Variants in DOCK9 observed in about 807,000 individuals in gnomAD.
The protein encoded by DOCK9 is dedicator of cytokinesis protein 9.
Under a neutral mutation model 263.3 loss-of-function variants are expected in DOCK9, and 89 were observed. The ratio of observed to expected loss-of-function variants is 0.34; its 90% CI spans 0.28 to 0.40. The LOEUF is 0.40. Ranked by LOEUF, DOCK9 falls within the 10% of genes least tolerant of loss-of-function variation. The probability of loss-of-function intolerance (pLI) is 1.00; values close to 1 mark genes in which losing one functional copy is unlikely to be tolerated. For missense variants in DOCK9, 2,140 were observed against 2,603.4 expected, an observed-to-expected ratio of 0.82 and a Z score of 3.87; for synonymous variants, 976 against 973.1, an observed-to-expected ratio of 1.00 and a Z score of -0.06.
chr13:98,990,529 A>G (rs899493102), intron 1 of DOCK9, among the ~76,000 whole-genome samples: 8 of 152,248 alleles, frequency 5.3e-5, no homozygotes, highest in African/African-American at 1.9e-4. Flanking sequence ...TACAGCTTAT[A>G]GCTCTTCATT....
At chr13:98,842,932 T>C (rs1421569951) in intron 38 of DOCK9, among the ~76,000 whole-genome samples, 2 of 152,230 alleles carry the variant, frequency 1.3e-5, no homozygotes, top group African/African-American at 4.8e-5. Flanking sequence ...TTCTACTTCC[T>C]ATCAAAATTA....
intron 15 of DOCK9, among the ~76,000 whole-genome samples, chr13:98,891,863 C>T (rs1283640912): frequency 1.3e-5 from 2 of 151,532 alleles, no homozygotes; most frequent in Admixed American, 6.6e-5. Flanking sequence ...AATCTCAAAC[C>T]CATTTCAAAA....
At chr13:99,081,966 C>A (rs1407681290) in intron 1 of DOCK9, among the ~76,000 whole-genome samples, 1 of 152,260 alleles carries the variant, frequency 6.6e-6, no homozygotes. Context: ...GCTGGGTATG[C>A]TGGCTCGCAC....
At chr13:98,962,961 GAA>G (rs66518048) in intron 1 of DOCK9, among the ~76,000 whole-genome samples, 23,158 of 152,134 alleles carry the variant, frequency 0.15, 2,466 homozygotes, top group East Asian at 0.44. Context: ...GGATTGTGAA[GAA>G]GAGAGCAGGC....
chr13:98,882,381 A>G (rs1053525327), intron 23 of DOCK9, among the ~76,000 whole-genome samples: 3 of 152,210 alleles, frequency 2.0e-5, no homozygotes, highest in African/African-American at 7.2e-5. Context: ...AGGGGCCGCA[A>G]GCAATCACAT....
At chr13:99,064,668 T>C (rs1306679054) in intron 1 of DOCK9, among the ~76,000 whole-genome samples, 1 of 152,244 alleles carries the variant, frequency 6.6e-6, no homozygotes, top group African/African-American at 2.4e-5. Context: ...CTTTCATTTT[T>C]CCCTTCAAAG....
intron 1 of DOCK9, among the ~76,000 whole-genome samples, chr13:99,040,343 G>A (rs1888335658): frequency 6.6e-6 from 1 of 151,970 alleles, no homozygotes; most frequent in Non-Finnish European, 1.5e-5. Flanking sequence ...CCCAAACTAA[G>A]GCAAGTCCTT....
chr13:98,811,004 G>A (rs978118221), intron 45 of DOCK9, among the ~76,000 whole-genome samples: 1 of 152,220 alleles, frequency 6.6e-6, no homozygotes, highest in African/African-American at 2.4e-5. Flanking sequence ...CTACCAGACT[G>A]TAGCTTGGCT....
At chr13:99,008,432 C>T (rs1290264693) in intron 1 of DOCK9, among the ~76,000 whole-genome samples, 1 of 151,884 alleles carries the variant, frequency 6.6e-6, no homozygotes, top group African/African-American at 2.4e-5. Context: ...CGGGGTTTCA[C>T]CATGTTGGCC....
chr13:98,968,999 T>C (rs1033435834), intron 1 of DOCK9, among the ~76,000 whole-genome samples: 25 of 152,206 alleles, frequency 1.6e-4, no homozygotes, highest in African/African-American at 5.5e-4. Flanking sequence ...CACATGGTGA[T>C]TTTTCCAAGT....
intron 1 of DOCK9, among the ~76,000 whole-genome samples, chr13:99,002,066 G>A (rs1882447566): frequency 6.6e-6 from 1 of 152,204 alleles, no homozygotes; most frequent in Non-Finnish European, 1.5e-5. Flanking sequence ...AGAAGATGGG[G>A]CATGGGGCAC....
At chr13:98,951,641 G>C (rs1358854025) in intron 2 of DOCK9, among the ~76,000 whole-genome samples, 3 of 152,190 alleles carry the variant, frequency 2.0e-5, no homozygotes, top group South Asian at 4.1e-4. Context: ...TTGAGACAGT[G>C]GGGGGAAAAG....
At chr13:98,889,002 C>T (rs2046222498) in intron 15 of DOCK9, among the ~76,000 whole-genome samples, 1 of 152,214 alleles carries the variant, frequency 6.6e-6, no homozygotes, top group South Asian at 2.1e-4. Context: ...ACTTAAAGCA[C>T]ATCTCAATTC....
At chr13:98,810,326 G>A (rs758038972) in intron 45 of DOCK9, 35 bp from the exon 46 acceptor site, 5 of 1,608,776 alleles carry the variant, frequency 3.1e-6, no homozygotes, top group Non-Finnish European at 3.4e-6. Flanking sequence ...CAAGAGAAGA[G>A]CGTTATGGGG....
chr13:99,040,034 ACTCATATGTTGAAAT>A (rs1888303717), intron 1 of DOCK9, among the ~76,000 whole-genome samples: 1 of 152,178 alleles, frequency 6.6e-6, no homozygotes, highest in East Asian at 1.9e-4. Flanking sequence ...TTTCCCCAAA[ACTCATATGTTGAAAT>A]CTAATCCTCA....
chr13:99,043,819 G>C (rs1231031025), intron 1 of DOCK9, among the ~76,000 whole-genome samples: 1 of 151,974 alleles, frequency 6.6e-6, no homozygotes, highest in Non-Finnish European at 1.5e-5. Flanking sequence ...TCCATGATGG[G>C]ACGGCCAGCT....
At chr13:98,892,095 T>A (rs1456103860) in intron 15 of DOCK9, among the ~76,000 whole-genome samples, 1 of 152,178 alleles carries the variant, frequency 6.6e-6, no homozygotes, top group East Asian at 1.9e-4. Context: ...ACATGAAAAC[T>A]CATCTTAAAA....
chr13:98,811,767 A>C (rs1026835353), intron 45 of DOCK9, among the ~76,000 whole-genome samples: 1 of 152,230 alleles, frequency 6.6e-6, no homozygotes, highest in African/African-American at 2.4e-5. Context: ...ATTGTAAACA[A>C]AGTTTATCAA....
intron 1 of DOCK9, among the ~76,000 whole-genome samples, chr13:98,995,674 G>A (rs1248640007): frequency 2.0e-5 from 3 of 151,948 alleles, no homozygotes; most frequent in Non-Finnish European, 4.4e-5. Flanking sequence ...ATTTTCAGTA[G>A]AGACGGGGTT....
Sources: allele counts gnomAD v4.1 joint callset (sites outside exome capture counted in the v4.1 genomes callset), GRCh38; gene constraint gnomAD v4.1.1; transcripts MANE v1.5; gene names NCBI Gene and HGNC (gene_info 2026-07-23, HGNC 2026-07-21).